The following TRIM63 variants were observed in gnomAD, a reference collection of about 807,000 sequenced individuals.
TRIM63 encodes E3 ubiquitin-protein ligase TRIM63.
Under a neutral mutation model 46.0 loss-of-function variants are expected in TRIM63, and 48 were observed. That is an observed-to-expected ratio of 1.04 (90% confidence interval 0.83 to 1.33). TRIM63 has a LOEUF of 1.33. Among genes scored for constraint, TRIM63 ranks in the 40% most tolerant of loss-of-function variants. TRIM63 has a pLI of 0.00. For synonymous variants in TRIM63, 175 were observed against 162.8 expected (o/e 1.08, Z -0.57); for missense variants, 455 against 441.2 (o/e 1.03, Z -0.28).
In TRIM63 at chr1:26,064,815, C is replaced by T. The variant is rs2050661687; in HGVS notation, c.332+1453G>A. Reference sequence around the variant, plus strand: ...CAGAGGCTGACTAGCAAGCACAGTTCCCCGGGTCAGGGTTTTTTCACCTGA... The same window carrying T: ...CAGAGGCTGACTAGCAAGCACAGTTTCCCGGGTCAGGGTTTTTTCACCTGA... On this transcript the variant is annotated intron_variant, in intron 2 of 8. Coordinates refer to ENST00000374272, the MANE Select transcript of TRIM63 (RefSeq NM_032588.4). 2.6e-5 allele frequency among the ~76,000 whole-genome samples: 4 copies of T among 152,202 alleles called. No individual in the cohort carries two copies. The South Asian group carries it at 8.3e-4, about 31-fold the overall frequency.
chr1:26,062,282 A>AAG (rs1553146128), intron 2 of TRIM63, among the ~76,000 whole-genome samples: 27 of 150,434 alleles, frequency 1.8e-4, no homozygotes, highest in African/African-American at 6.4e-4. Flanking sequence ...AAAAAAAAAA[A>AAG]AAAGAAAGAA....
intron 8 of TRIM63, 126 bp from the exon 9 acceptor site, chr1:26,052,009 G>T: frequency 1.3e-6 from 1 of 792,404 alleles, no homozygotes; most frequent in Non-Finnish European, 1.8e-6. Flanking sequence ...ATTCCTCCCG[G>T]TCTCTTCCTT....
chr1:26,053,749 C>T, intron 8 of TRIM63, 144 bp downstream of exon 8: 3 of 607,578 alleles, frequency 4.9e-6, no homozygotes, highest in South Asian at 2.1e-5. Context: ...AGGACTTTAC[C>T]CTCAGTAGGG....
rs1267941072 is a variant in TRIM63 at position 26,066,340 on chromosome 1, T to C, written c.260A>G (p.His87Arg). Residue 87 changes from histidine to arginine, a missense_variant, in exon 2 of 9, where the codon CAC (histidine) becomes CGC (arginine). By Grantham distance (29) the His-to-Arg change is conservative. Transcript: ENST00000374272. ...TCRHEVIMDRHGVYGLQRNLL... is the reference protein window; with the variant it reads ...TCRHEVIMDRRGVYGLQRNLL... ...GTTCCTCTGCAGGCCGTACACTCCG[T>C]GACGATCCATGATCACCTCGTGGCG... 2 of 1,614,140 alleles carry C rather than the reference T, an allele frequency of 1.2e-6. No individual in the cohort carries two copies. Among genetic ancestry groups the C allele is most frequent in the Non-Finnish European group, 1.7e-6 (2 of 1,180,010 alleles).
chr1:26,051,662 C>T lies in TRIM63; in HGVS notation c.*211G>A, dbSNP rs1253820128. ...GTGTCCTGTGTGATTGTTTCAAGCA[C>T]GTTTCCAATTCTGGTTCAGTGTCTG... On this transcript the variant is annotated 3_prime_UTR_variant, in exon 9 of 9. Coordinates refer to ENST00000374272, the MANE Select transcript of TRIM63 (RefSeq NM_032588.4). The T allele has an allele frequency of 4.9e-6, 2 of 407,158 alleles. No homozygotes were observed. The highest frequency in any genetic ancestry group is 9.0e-6 in the Non-Finnish European group (2 of 223,444). 25.2% of individuals were successfully genotyped at this position (407,158 alleles called of 1,614,324 possible). A position where few individuals can be genotyped will look rare whatever the true frequency, so the allele number is the denominator to read the frequency against.
At chr1:26,055,025 A>G (rs2050558825) in intron 7 of TRIM63, among the ~76,000 whole-genome samples, 1 of 152,138 alleles carries the variant, frequency 6.6e-6, no homozygotes, top group Non-Finnish European at 1.5e-5. Context: ...CCAGCCAAGT[A>G]ACTGATATCA....
At chr1:26,055,337 T>C (rs1457163202) in intron 7 of TRIM63, among the ~76,000 whole-genome samples, 1 of 152,162 alleles carries the variant, frequency 6.6e-6, no homozygotes, top group Non-Finnish European at 1.5e-5. Flanking sequence ...ATAAAACTTA[T>C]GTTAAGGGCT....
At position 26,066,329 on chromosome 1, in the gene TRIM63, C is replaced by T. The variant is rs1332404125; in HGVS notation, c.271G>A (p.Gly91Ser). 5.0e-6 allele frequency: 8 copies of T among 1,614,140 alleles called. No homozygotes were observed. Among genetic ancestry groups the T allele is most frequent in the Middle Eastern group, 3.3e-4 (2 of 6,062 alleles). The change falls in exon 2 of 9, where the codon GGC becomes AGC. Residue 91 changes from glycine to serine, a missense_variant. Gly to Ser is a moderately conservative substitution (Grantham distance 56, BLOSUM62 0). Transcript: ENST00000374272. Reference protein sequence around the residue: ...EVIMDRHGVYGLQRNLLVENI... With the variant: ...EVIMDRHGVYSLQRNLLVENI... ...TCCACCAGCAGGTTCCTCTGCAGGCCGTACACTCCGTGACGATCCATGATC... is the reference window on the plus strand; with the variant it reads ...TCCACCAGCAGGTTCCTCTGCAGGCTGTACACTCCGTGACGATCCATGATC...
chr1:26,066,958 C>T (rs2050684125), intron 1 of TRIM63, among the ~76,000 whole-genome samples: 1 of 152,038 alleles, frequency 6.6e-6, no homozygotes, highest in Non-Finnish European at 1.5e-5. Context: ...CTGACACCCT[C>T]CTCCCAAAGC....
chr1:26,059,393 C>G (rs1450925349), intron 4 of TRIM63, among the ~76,000 whole-genome samples: 2 of 152,006 alleles, frequency 1.3e-5, no homozygotes, highest in South Asian at 4.2e-4. Context: ...CCTGGGCCTC[C>G]CATATGTCCC....
rs771101643 is a variant in TRIM63, at chr1:26,058,507, C to T, written c.714G>A (p.Lys238=). The change falls in exon 5 of 9, where the codon AAG becomes AAA. Residue 238 remains lysine (K), a synonymous_variant. Transcript: ENST00000374272. ...GGATGAGGGCCTCGATGAAGCTAAG[C>T]TTTTTCTCCTGCTCCTGCGTGATCC... The part of the protein sequence containing the change: ...LQRITQEQEK[K]LSFIEALIQQ... 1 of 1,614,162 alleles carries T rather than the reference C, an allele frequency of 6.2e-7. No homozygotes were observed. Among genetic ancestry groups the T allele is most frequent in the Non-Finnish European group, 8.5e-7 (1 of 1,180,022 alleles).
chr1:26,053,971 CA>C lies in TRIM63; in HGVS notation c.980-8del. On this transcript the variant is annotated splice_region_variant and splice_polypyrimidine_tract_variant and intron_variant, in intron 7 of 8. Transcript: ENST00000374272. ...AATTCTTCCTCTTCCTCATCTGTGA[CA>C]AAAAAACATTTGTGTTAGGATGGGG... is the stretch of plus-strand genomic sequence containing the variant. The C allele has an allele frequency of 5.1e-6, 8 of 1,573,724 alleles. No individual in the cohort carries two copies. The highest frequency in any genetic ancestry group is 2.1e-5 in the Admixed American group (1 of 48,738).
At chr1:26,060,134 T>C in intron 4 of TRIM63, 132 bp downstream of exon 4, 2 of 644,304 alleles carry the variant, frequency 3.1e-6, no homozygotes, top group Non-Finnish European at 5.6e-6. Flanking sequence ...GTCCCTCCCC[T>C]GCCATCCCTG....
intron 2 of TRIM63, among the ~76,000 whole-genome samples, chr1:26,064,259 T>C (rs1266067965): frequency 1.3e-5 from 2 of 152,080 alleles, no homozygotes; most frequent in Non-Finnish European, 2.9e-5. Flanking sequence ...GGTGAAACCC[T>C]GTCTCTACTA....
intron 3 of TRIM63, 86 bp downstream of exon 3, chr1:26,061,080 A>T: frequency 6.9e-7 from 1 of 1,445,130 alleles, no homozygotes; most frequent in Non-Finnish European, 9.5e-7. Flanking sequence ...AGATCAGCAG[A>T]TCTACAGGGA....
Sources: gnomAD v4.1 joint callset for allele counts (sites outside exome capture counted in the v4.1 genomes callset) on GRCh38, gnomAD v4.1.1 for gene constraint, MANE v1.5 for transcripts, NCBI Gene and HGNC (gene_info 2026-07-23, HGNC 2026-07-21) for gene names.